RBM10: variants seen among roughly 807,000 people sequenced by gnomAD.
RBM10 encodes the protein RNA-binding protein 10.
RBM10 carries 1 observed loss-of-function variant against 84.9 expected under a neutral mutation model. The ratio of observed to expected loss-of-function variants is 0.01; its 90% confidence interval spans 0.00 to 0.06. The LOEUF (loss-of-function observed/expected upper bound fraction) is 0.06. Among genes scored for constraint, RBM10 ranks in the 10% least tolerant of loss-of-function variants. The pLI, the probability that RBM10 is intolerant of heterozygous loss-of-function variation, is 1.00. For missense variants in RBM10, 438 were observed against 839.0 expected (o/e 0.52, Z 5.90); for synonymous variants, 326 against 344.5 (o/e 0.95, Z 0.60).
intron 2 of RBM10, among the ~76,000 whole-genome samples, chrX:47,163,212 C>T (rs1168682128): frequency 4.5e-5 from 5 of 111,447 alleles, no homozygotes; most frequent in Non-Finnish European, 7.5e-5. Context: ...CCTTCACAGG[C>T]CAGAGGAGAC....
intron 1 of RBM10, among the ~76,000 whole-genome samples, chrX:47,145,891 T>C (rs2147058710): frequency 1.0e-5 from 1 of 98,751 alleles, no homozygotes. Context: ...TCTGTGGTTC[T>C]GGTCTCTATT....
At chrX:47,153,855 C>T (rs782291320) in intron 2 of RBM10, among the ~76,000 whole-genome samples, 7 of 110,859 alleles carry the variant, frequency 6.3e-5, no homozygotes, top group Non-Finnish European at 1.1e-4. Flanking sequence ...CCCAGGAATT[C>T]GAGACGATCC....
intron 7 of RBM10, 74 bp from the exon 8 acceptor site, chrX:47,179,029 A>G (rs1239048150): frequency 8.5e-7 from 1 of 1,174,060 alleles, no homozygotes; most frequent in African/African-American, 1.8e-5. Flanking sequence ...TCCCTGGGAG[A>G]TCTCTTCATC....
intron 2 of RBM10, among the ~76,000 whole-genome samples, chrX:47,164,911 G>A (rs1313819614): frequency 8.9e-6 from 1 of 112,310 alleles, no homozygotes; most frequent in African/African-American, 3.2e-5. Flanking sequence ...AACAAAATAT[G>A]CATACTACAA....
intron 2 of RBM10, among the ~76,000 whole-genome samples, chrX:47,168,678 C>T (rs1340813148): frequency 1.8e-5 from 2 of 111,590 alleles, no homozygotes; most frequent in African/African-American, 3.3e-5. Context: ...GGGCAGGGGA[C>T]GTGGTGCAAG....
Position 47,172,839 on chromosome X carries a change from C to T in RBM10, c.433-289C>T, listed in dbSNP as rs59316870. 0.046 allele frequency among the ~76,000 whole-genome samples: 5,138 copies of T among 112,399 alleles called. 282 individuals are homozygous for T. The highest frequency in any genetic ancestry group is 0.16 in the African/African-American group (4,796 of 30,866). ...CGTTCTTAAGTGGCTGGCTCACTTG[C>T]TCTCTTGTTCTCTGTGCCCCTGAGG... On this transcript the variant is annotated intron_variant, in intron 4 of 23. Coordinates refer to ENST00000377604, the MANE Select transcript of RBM10 (RefSeq NM_005676.5).
chrX:47,174,320 C>A (rs1182682215), intron 5 of RBM10, among the ~76,000 whole-genome samples: 1 of 111,354 alleles, frequency 9.0e-6, no homozygotes, highest in Non-Finnish European at 1.9e-5. Context: ...GGCCACCATT[C>A]TCCTTTTGTC....
At chrX:47,171,867 G>A (rs2147139152) in intron 4 of RBM10, among the ~76,000 whole-genome samples, 1 of 111,388 alleles carries the variant, frequency 9.0e-6, no homozygotes, top group African/African-American at 3.3e-5. Flanking sequence ...CCTGATCTTG[G>A]TCCTTCTTAG....
At position 47,181,265 on chromosome X, in the gene RBM10, C is replaced by G. The variant is rs1184484504; in HGVS notation, c.1299C>G (p.Val433=). The change falls in exon 13 of 24, where the codon GTC becomes GTG. Residue 433 remains valine (V), a synonymous_variant. Coordinates refer to ENST00000377604, the MANE Select transcript of RBM10 (RefSeq NM_005676.5). ...GGGCCACCTCCGAGGAGCCGCCGGT[C>G]GACTACAGCTACTACCAACAGGATG... The part of the protein sequence containing the change: ...GTWATSEEPP[V]DYSYYQQDEG... 8.5e-7 allele frequency: 1 copy of G among 1,175,459 alleles called. No homozygotes were observed. The highest frequency in any genetic ancestry group is 3.1e-5 in the East Asian group (1 of 31,839).
chrX:47,176,366 C>G, intron 6 of RBM10, 134 bp from the exon 7 acceptor site: 2 of 1,097,421 alleles, frequency 1.8e-6, no homozygotes, highest in Non-Finnish European at 2.4e-6. Context: ...TCCCTCCATC[C>G]GCTCTCCGAC....
chrX:47,179,526 C>T (rs2147170247), intron 9 of RBM10, 31 bp downstream of exon 9: 1 of 1,183,470 alleles, frequency 8.4e-7, no homozygotes, highest in Non-Finnish European at 1.1e-6. Context: ...TCCTCTGTGC[C>T]CTAGGGTGTC....
At chrX:47,169,574 G>A (rs1934487682) in intron 3 of RBM10, 76 bp downstream of exon 3, 5 of 1,028,815 alleles carry the variant, frequency 4.9e-6, no homozygotes, top group Non-Finnish European at 5.3e-6. Context: ...CTGCAGCACC[G>A]TGTGCAGGCA....
At chrX:47,178,430 G>A (rs782111212) in intron 7 of RBM10, among the ~76,000 whole-genome samples, 48 of 110,566 alleles carry the variant, frequency 4.3e-4, no homozygotes, top group African/African-American at 1.5e-3. Context: ...TTCCCTCCCC[G>A]AGCCCCTGCT....
At chrX:47,180,088 G>C (rs782265397) in intron 10 of RBM10, 48 bp downstream of exon 10, 1 of 1,203,363 alleles carries the variant, frequency 8.3e-7, no homozygotes, top group Non-Finnish European at 1.1e-6. Context: ...CCCGGCCCCC[G>C]GGGTGGAGAC....
chrX:47,168,034 C>G (rs782556225), intron 2 of RBM10, among the ~76,000 whole-genome samples: 8 of 112,216 alleles, frequency 7.1e-5, no homozygotes, highest in Non-Finnish European at 1.3e-4. Flanking sequence ...TTGTTCCCGA[C>G]CAGAATTGGA....
intron 17 of RBM10, among the ~76,000 whole-genome samples, chrX:47,184,649 C>T (rs992868904): frequency 3.6e-5 from 4 of 111,063 alleles, no homozygotes; most frequent in Non-Finnish European, 5.7e-5. Flanking sequence ...CAGATGGGCC[C>T]GCCACTCTGT....
At chrX:47,168,053 A>G (rs1934362473) in intron 2 of RBM10, among the ~76,000 whole-genome samples, 1 of 112,268 alleles carries the variant, frequency 8.9e-6, no homozygotes, top group Admixed American at 9.5e-5. Flanking sequence ...GAATCCTGTT[A>G]GTATAGTAGC....
At chrX:47,175,889 A>C (rs1556775889) in intron 6 of RBM10, among the ~76,000 whole-genome samples, 2 of 110,497 alleles carry the variant, frequency 1.8e-5, no homozygotes, top group Non-Finnish European at 3.8e-5. Flanking sequence ...ACTGGAGAGC[A>C]GTTTCAGGGG....
rs373113626 is a variant in RBM10 at position 47,173,214 on chromosome X, G to T, written c.502+17G>T. On this transcript the variant is annotated intron_variant, in intron 5 of 23. Coordinates refer to ENST00000377604, the MANE Select transcript of RBM10 (RefSeq NM_005676.5). ...AATCTTCAGGTGAGCTTTTGTTCTA[G>T]TGCCCTCCCCTTCAAGTGGCCAGCC... 31 of 1,210,046 alleles carry T rather than the reference G, an allele frequency of 2.6e-5. No homozygotes were observed. In the African/African-American group the frequency reaches 5.4e-4, roughly 21 times the overall value.
Sources: allele counts gnomAD v4.1 joint callset (sites outside exome capture counted in the v4.1 genomes callset), GRCh38; gene constraint gnomAD v4.1.1; transcripts MANE v1.5; gene names NCBI Gene and HGNC (gene_info 2026-07-23, HGNC 2026-07-21).